The following CAST variants were observed in gnomAD, a reference collection of about 807,000 sequenced individuals.
CAST encodes calpastatin, also known as MIR583 host.
Under a neutral mutation model 119.6 loss-of-function variants are expected in CAST, and 76 were observed. The ratio of observed to expected loss-of-function variants is 0.64; its 90% CI spans 0.53 to 0.77. The LOEUF (loss-of-function observed/expected upper bound fraction) is 0.77. CAST is among the 30% of genes least tolerant of loss of function. The probability of loss-of-function intolerance (pLI) is 0.00; values close to 1 mark genes in which losing one functional copy is unlikely to be tolerated. For synonymous variants in CAST, 319 were observed against 331.6 expected (o/e 0.96, Z 0.41); for missense variants, 953 against 946.5 (o/e 1.01, Z -0.09).
the CAST span, among the ~76,000 whole-genome samples, chr5:96,136,704 G>A: frequency 6.6e-6 from 1 of 152,206 alleles, no homozygotes; most frequent in Non-Finnish European, 1.5e-5. Flanking sequence ...ATTACTACCT[G>A]TGTAATTCTA....
the CAST span, among the ~76,000 whole-genome samples, chr5:96,202,258 A>G: frequency 6.6e-6 from 1 of 152,110 alleles, no homozygotes; most frequent in African/African-American, 2.4e-5. Context: ...ATTTTTTTCC[A>G]GTTAATATGA....
At chr5:96,673,474 G>C (rs376881306) in intron 1 of CAST, among the ~76,000 whole-genome samples, 5 of 152,320 alleles carry the variant, frequency 3.3e-5, no homozygotes, top group African/African-American at 1.2e-4. Flanking sequence ...CTAGGCATTT[G>C]CCTTATTTAG....
rs560335700 is a variant in CAST at position 96,662,536 on chromosome 5, T to A, written c.75+39T>A. 2.1e-4 allele frequency: 278 copies of A among 1,341,138 alleles called. 1 individual carries two copies. In the African/African-American group the frequency reaches 3.9e-3, roughly 19 times the overall value. 83.1% of individuals were successfully genotyped at this position (1,341,138 alleles called of 1,614,324 possible). A position where few individuals can be genotyped will look rare whatever the true frequency, so the allele number is the denominator to read the frequency against. ...CTGTCGGCGTCGCGGGGCTGGGCGA[T>A]GGGGTACCGGGTCCCGGAGCTGTGG... On this transcript the variant is annotated intron_variant, in intron 1 of 31. Coordinates refer to ENST00000675179, the MANE Select transcript of CAST (RefSeq NM_001750.7).
the CAST span, among the ~76,000 whole-genome samples, chr5:96,486,397 A>C: frequency 6.6e-6 from 1 of 152,132 alleles, no homozygotes; most frequent in South Asian, 2.1e-4. Context: ...ACTCCTGAGC[A>C]CACACTCCAG....
intron 1 of CAST, among the ~76,000 whole-genome samples, chr5:96,543,522 A>G (rs1337552503): frequency 6.6e-6 from 1 of 152,208 alleles, no homozygotes; most frequent in East Asian, 1.9e-4. Flanking sequence ...CATTCTGCAC[A>G]TGTACCCCGG....
At chr5:96,198,069 A>G in the CAST span, among the ~76,000 whole-genome samples, 1 of 152,134 alleles carries the variant, frequency 6.6e-6, no homozygotes, top group Non-Finnish European at 1.5e-5. Context: ...GGCCCAACCT[A>G]GAAATTAGAC....
chr5:96,053,167 A>G, the CAST span, among the ~76,000 whole-genome samples: 2 of 152,192 alleles, frequency 1.3e-5, no homozygotes, highest in Non-Finnish European at 2.9e-5. Context: ...AATATTGGCT[A>G]TACATTGGAA....
chr5:95,990,481 T>G, the CAST span, among the ~76,000 whole-genome samples: 1 of 151,996 alleles, frequency 6.6e-6, no homozygotes, highest in Non-Finnish European at 1.5e-5. Flanking sequence ...TTTTCTTGGC[T>G]TACTATTGAA....
chr5:96,571,127 G>T (rs537916224), intron 1 of CAST, among the ~76,000 whole-genome samples: 1 of 152,182 alleles, frequency 6.6e-6, no homozygotes, highest in African/African-American at 2.4e-5. Context: ...CAAGAATCCA[G>T]ACCTGTCATC....
At chr5:96,249,934 G>A in the CAST span, among the ~76,000 whole-genome samples, 2 of 152,112 alleles carry the variant, frequency 1.3e-5, no homozygotes, top group Non-Finnish European at 2.9e-5. Flanking sequence ...TGAGAAGCCG[G>A]AACTGGTTAT....
chr5:96,299,173 A>G, the CAST span, among the ~76,000 whole-genome samples: 1 of 151,948 alleles, frequency 6.6e-6, no homozygotes, highest in South Asian at 2.1e-4. Flanking sequence ...TGAACCCGGG[A>G]AGCAGAGGTT....
the CAST span, among the ~76,000 whole-genome samples, chr5:96,407,736 C>T: frequency 6.6e-6 from 1 of 152,314 alleles, no homozygotes; most frequent in East Asian, 1.9e-4. Flanking sequence ...CTTTAAATCT[C>T]ATGTCCCCTG....
chr5:96,693,041 C>G (rs1429761517), intron 2 of CAST, among the ~76,000 whole-genome samples: 1 of 152,200 alleles, frequency 6.6e-6, no homozygotes, highest in Non-Finnish European at 1.5e-5. Context: ...TATATGGGTG[C>G]ATTTCAAGGC....
intron 3 of CAST, among the ~76,000 whole-genome samples, chr5:96,706,836 C>T (rs1249173082): frequency 2.6e-5 from 4 of 152,126 alleles, no homozygotes; most frequent in Non-Finnish European, 4.4e-5. Flanking sequence ...GCTACTCTTC[C>T]CTTGTAGACA....
At chr5:96,433,191 G>A in the CAST span, 2 of 762,574 alleles carry the variant, frequency 2.6e-6, no homozygotes, top group Admixed American at 2.0e-5. Context: ...GGAGGCGCGA[G>A]AGGAGAGGCT....
the CAST span, among the ~76,000 whole-genome samples, chr5:96,234,311 G>A: frequency 2.6e-5 from 4 of 152,202 alleles, no homozygotes; most frequent in South Asian, 4.1e-4. Flanking sequence ...ATGGAAGGCC[G>A]TAGTAGGGAA....
At chr5:96,142,554 C>T in the CAST span, among the ~76,000 whole-genome samples, 2 of 152,298 alleles carry the variant, frequency 1.3e-5, no homozygotes, top group East Asian at 1.9e-4. Context: ...ATTTGAAGCT[C>T]TTATCAGACT....
chr5:96,203,957 A>C, the CAST span, among the ~76,000 whole-genome samples: 1 of 152,070 alleles, frequency 6.6e-6, no homozygotes, highest in Non-Finnish European at 1.5e-5. Flanking sequence ...GGTGGAAGAA[A>C]CCTAGGAGGA....
chr5:96,228,371 T>C, the CAST span, among the ~76,000 whole-genome samples: 20 of 152,298 alleles, frequency 1.3e-4, no homozygotes, highest in African/African-American at 4.6e-4. Flanking sequence ...CTGCCCAAGT[T>C]TATAAAATAC....
Sources: gnomAD v4.1 joint callset for allele counts (sites outside exome capture counted in the v4.1 genomes callset) on GRCh38, gnomAD v4.1.1 for gene constraint, MANE v1.5 for transcripts, NCBI Gene and HGNC (gene_info 2026-07-23, HGNC 2026-07-21) for gene names.